NTM: variants seen among roughly 807,000 people sequenced by gnomAD.
NTM encodes IgLON family member 2.
In NTM, 13 loss-of-function variants were observed where a neutral mutation model predicts 42.1. That is an observed-to-expected ratio of 0.31 (90% CI 0.20 to 0.49). The LOEUF (loss-of-function observed/expected upper bound fraction) is 0.49. Among genes scored for constraint, NTM ranks in the 20% least tolerant of loss-of-function variants. The probability of loss-of-function intolerance (pLI) is 0.99; values close to 1 mark genes in which losing one functional copy is unlikely to be tolerated. For synonymous variants in NTM, 187 were observed against 179.2 expected (o/e 1.04, Z -0.35); for missense variants, 373 against 452.8 (o/e 0.82, Z 1.60).
chr11:132,188,365 C>T (rs573948049), intron 3 of NTM, among the ~76,000 whole-genome samples: 3 of 152,264 alleles, frequency 2.0e-5, no homozygotes, highest in African/African-American at 7.2e-5. Context: ...TCTTGTCTCC[C>T]TCCAGGCCAT....
At chr11:131,545,957 C>G (rs2053882936) in intron 1 of NTM, among the ~76,000 whole-genome samples, 1 of 152,116 alleles carries the variant, frequency 6.6e-6, no homozygotes, top group Non-Finnish European at 1.5e-5. Flanking sequence ...TTCATCAGAA[C>G]CCAGCTGTTT....
At chr11:131,658,025 A>T (rs2067425933) in intron 1 of NTM, among the ~76,000 whole-genome samples, 2 of 152,280 alleles carry the variant, frequency 1.3e-5, no homozygotes, top group South Asian at 4.1e-4. Flanking sequence ...TCAATTGTAG[A>T]TAAGGTTTGC....
At chr11:131,995,633 A>G (rs2067862580) in intron 2 of NTM, among the ~76,000 whole-genome samples, 1 of 152,138 alleles carries the variant, frequency 6.6e-6, no homozygotes, top group Non-Finnish European at 1.5e-5. Flanking sequence ...AGCAGGGGCC[A>G]GATCATGTTG....
intron 1 of NTM, among the ~76,000 whole-genome samples, chr11:131,790,719 G>C (rs771730105): frequency 6.6e-6 from 1 of 152,112 alleles, no homozygotes; most frequent in African/African-American, 2.4e-5. Flanking sequence ...CTAATATCTA[G>C]TCCTCTTACA....
rs139579932 is a variant in NTM at position 132,335,082 on chromosome 11, C to T, written c.1004C>T (p.Ser335Leu). Reference sequence around the variant, plus strand: ...GTCAGCGAGGTGAGCAACGGCACGTCGAGGAGGGCAGGCTGCGTCTGGCTG... The same window carrying T: ...GTCAGCGAGGTGAGCAACGGCACGTTGAGGAGGGCAGGCTGCGTCTGGCTG... ...GAVSEVSNGT[S>L]RRAGCVWLLP... The change falls in exon 9 of 9, where the codon TCG becomes TTG. Residue 335 changes from serine to leucine, a missense_variant. Coordinates refer to ENST00000683400, the MANE Select transcript of NTM (RefSeq NM_001352005.2). 1,817 of 1,612,568 alleles carry T rather than the reference C, an allele frequency of 1.1e-3. 3 individuals carry two copies. The highest frequency in any genetic ancestry group is 1.4e-3 in the Admixed American group (82 of 59,998).
intron 2 of NTM, among the ~76,000 whole-genome samples, chr11:131,938,701 A>G (rs775346194): frequency 2.6e-5 from 4 of 152,178 alleles, no homozygotes; most frequent in Admixed American, 6.5e-5. Flanking sequence ...GGCTGTGCCT[A>G]TAAGAGGTGG....
intron 2 of NTM, among the ~76,000 whole-genome samples, chr11:132,027,265 G>C (rs2075307907): frequency 6.6e-6 from 1 of 152,160 alleles, no homozygotes; most frequent in Non-Finnish European, 1.5e-5. Context: ...TGATGAATTT[G>C]TGCTGATTGT....
At chr11:131,678,292 G>C (rs971815515) in intron 1 of NTM, among the ~76,000 whole-genome samples, 6 of 152,252 alleles carry the variant, frequency 3.9e-5, no homozygotes, top group African/African-American at 1.4e-4. Context: ...GTGGGGTCTG[G>C]TGGCTGGATG....
At chr11:131,613,747 T>G (rs2061657544) in intron 1 of NTM, among the ~76,000 whole-genome samples, 1 of 151,976 alleles carries the variant, frequency 6.6e-6, no homozygotes, top group Non-Finnish European at 1.5e-5. Context: ...ACGTGGAGAC[T>G]CCGAGAAGTT....
rs184773617 is a variant in NTM, at chr11:131,551,012, T to A, written c.82+180124T>A. Among the ~76,000 whole-genome samples, 290 of 152,326 alleles carry A rather than the reference T, an allele frequency of 1.9e-3. 1 individual carries two copies. Among genetic ancestry groups the A allele is most frequent in the African/African-American group, 6.6e-3 (273 of 41,564 alleles). On this transcript the variant is annotated intron_variant, in intron 1 of 8. Coordinates refer to ENST00000683400, the MANE Select transcript of NTM (RefSeq NM_001352005.2). ...TCCACCATTTGCATTTAATTTTTTT[T>A]AAATTTAAGTTGTATTTTATGTTAT...
intron 2 of NTM, among the ~76,000 whole-genome samples, chr11:132,126,325 G>T (rs2065831259): frequency 6.6e-6 from 1 of 152,158 alleles, no homozygotes; most frequent in Non-Finnish European, 1.5e-5. Context: ...CAATGCTGAG[G>T]GTGACAGGAG....
At position 132,335,439 on chromosome 11, in the gene NTM, G is replaced by T; in HGVS notation, c.*293G>T. Reference sequence around the variant, plus strand: ...TTGGACCCACTGCAAGCTGCATCGTGCAACCTCTTTGGTGCCAGTGTGGGC... The same window carrying T: ...TTGGACCCACTGCAAGCTGCATCGTTCAACCTCTTTGGTGCCAGTGTGGGC... On this transcript the variant is annotated 3_prime_UTR_variant, in exon 9 of 9. Transcript: ENST00000683400. The T allele has an allele frequency of 5.7e-6, 2 of 348,870 alleles. No homozygotes were observed. The highest frequency in any genetic ancestry group is 1.1e-5 in the Non-Finnish European group (2 of 186,090). 21.6% of individuals were successfully genotyped at this position (348,870 alleles called of 1,614,324 possible). A position where few individuals can be genotyped will look rare whatever the true frequency, so the allele number is the denominator to read the frequency against.
At chr11:131,594,136 T>A (rs529735668) in intron 1 of NTM, among the ~76,000 whole-genome samples, 23 of 152,322 alleles carry the variant, frequency 1.5e-4, no homozygotes, top group African/African-American at 5.5e-4. Context: ...TCAGTATGTA[T>A]CTCATGACAA....
intron 1 of NTM, among the ~76,000 whole-genome samples, chr11:131,875,171 TC>T (rs2048357459): frequency 6.6e-6 from 1 of 152,234 alleles, no homozygotes; most frequent in Non-Finnish European, 1.5e-5. Flanking sequence ...TTAAAATGTT[TC>T]CCCTCACTGT....
At chr11:131,743,647 T>C (rs551160766) in intron 1 of NTM, among the ~76,000 whole-genome samples, 193 of 152,302 alleles carry the variant, frequency 1.3e-3, no homozygotes, top group Non-Finnish European at 2.0e-3. Flanking sequence ...ACTCTGCAAA[T>C]ACACCTGCAA....
At chr11:131,740,867 A>T (rs1030621494) in intron 1 of NTM, among the ~76,000 whole-genome samples, 2 of 152,142 alleles carry the variant, frequency 1.3e-5, no homozygotes, top group Non-Finnish European at 2.9e-5. Context: ...ATTTCCTTGG[A>T]CTTTAAGAGA....
Position 131,768,294 on chromosome 11 carries a change from T to C in NTM, c.83-143270T>C, listed in dbSNP as rs56783747. Among the ~76,000 whole-genome samples, 753 of 152,126 alleles carry C rather than the reference T, an allele frequency of 4.9e-3. 3 individuals carry two copies. Among genetic ancestry groups the C allele is most frequent in the African/African-American group, 0.015 (616 of 41,476 alleles). ...CCACCATGCCCGGCTAATTTTGTAT[T>C]TTTAGTACAGACGGGGTTTCTCCAT... On this transcript the variant is annotated intron_variant, in intron 1 of 8. Transcript: ENST00000683400.
At chr11:131,984,889 G>A (rs1243740061) in intron 2 of NTM, among the ~76,000 whole-genome samples, 1 of 152,198 alleles carries the variant, frequency 6.6e-6, no homozygotes, top group Non-Finnish European at 1.5e-5. Context: ...GAAAGAAAGG[G>A]CGTGGAAAGG....
intron 3 of NTM, among the ~76,000 whole-genome samples, chr11:132,197,488 A>G (rs1468471505): frequency 6.6e-6 from 1 of 151,230 alleles, no homozygotes; most frequent in Non-Finnish European, 1.5e-5. Context: ...TTTGAAAGAG[A>G]GATGTTTATT....
Sources: gnomAD v4.1 joint callset for allele counts (sites outside exome capture counted in the v4.1 genomes callset) on GRCh38, gnomAD v4.1.1 for gene constraint, MANE v1.5 for transcripts, NCBI Gene and HGNC (gene_info 2026-07-23, HGNC 2026-07-21) for gene names.